The following PDE4B variants were observed in gnomAD, a reference collection of about 807,000 sequenced individuals.
The protein encoded by PDE4B is 3',5'-cyclic-AMP phosphodiesterase 4B.
Under a neutral mutation model 82.2 loss-of-function variants are expected in PDE4B, and 20 were observed. The observed-to-expected ratio is 0.24, with a 90% CI of 0.17 to 0.35. The LOEUF is 0.35. Ranked by LOEUF, PDE4B falls within the 10% of genes least tolerant of loss-of-function variation. PDE4B has a pLI of 1.00. For synonymous variants in PDE4B, 320 were observed against 318.9 expected, an observed-to-expected ratio of 1.00 and a Z score of -0.04; for missense variants, 655 against 907.2, an observed-to-expected ratio of 0.72 and a Z score of 3.57.
chr1:65,841,836 T>C (rs558281707), intron 1 of PDE4B, among the ~76,000 whole-genome samples: 5 of 152,236 alleles, frequency 3.3e-5, no homozygotes, highest in African/African-American at 1.2e-4. Context: ...ATAAGAGAAA[T>C]TCCATTTTGG....
intron 3 of PDE4B, among the ~76,000 whole-genome samples, chr1:66,180,362 G>A (rs144772016): frequency 1.2e-3 from 188 of 152,320 alleles, no homozygotes; most frequent in African/African-American, 4.0e-3. Flanking sequence ...ATCAAGCTAC[G>A]TATCATATAG....
At chr1:66,334,862 T>A (rs1208558407) in intron 8 of PDE4B, among the ~76,000 whole-genome samples, 1 of 152,120 alleles carries the variant, frequency 6.6e-6, no homozygotes, top group East Asian at 1.9e-4. Flanking sequence ...ATCCCAGCAC[T>A]TTGGGAGGTC....
At chr1:65,893,993 G>A (rs1414082981) in intron 1 of PDE4B, among the ~76,000 whole-genome samples, 1 of 152,070 alleles carries the variant, frequency 6.6e-6, no homozygotes, top group Admixed American at 6.6e-5. Context: ...GGTACTTGCA[G>A]GGGAAGTTTG....
At chr1:66,038,696 C>T (rs770089559) in intron 3 of PDE4B, among the ~76,000 whole-genome samples, 23 of 152,018 alleles carry the variant, frequency 1.5e-4, no homozygotes, top group African/African-American at 2.4e-5. Context: ...TAAATAGGCT[C>T]TTGAACAGGG....
At chr1:66,329,602 C>T (rs1659968018) in intron 7 of PDE4B, among the ~76,000 whole-genome samples, 1 of 152,152 alleles carries the variant, frequency 6.6e-6, no homozygotes, top group Admixed American at 6.5e-5. Flanking sequence ...CCCTTCAATG[C>T]CAGGCCTTAG....
chr1:65,877,002 A>G (rs1294887088), intron 1 of PDE4B, among the ~76,000 whole-genome samples: 1 of 152,150 alleles, frequency 6.6e-6, no homozygotes, highest in Non-Finnish European at 1.5e-5. Context: ...GATTGAATGC[A>G]ATCACCACCA....
At chr1:66,198,567 C>A (rs1557626982) in intron 3 of PDE4B, among the ~76,000 whole-genome samples, 1 of 151,936 alleles carries the variant, frequency 6.6e-6, no homozygotes, top group Non-Finnish European at 1.5e-5. Flanking sequence ...CTTGGGGCCT[C>A]TTTCTGCTCC....
chr1:66,092,038 C>T (rs969233933), intron 3 of PDE4B, among the ~76,000 whole-genome samples: 5 of 151,844 alleles, frequency 3.3e-5, no homozygotes, highest in Admixed American at 6.6e-5. Flanking sequence ...TCATACAAGG[C>T]GGCTTGTGAT....
chr1:65,922,000 C>A (rs1647266961), intron 3 of PDE4B, among the ~76,000 whole-genome samples: 1 of 152,078 alleles, frequency 6.6e-6, no homozygotes, highest in South Asian at 2.1e-4. Flanking sequence ...TATATAAAAA[C>A]ATTAACATGA....
chr1:66,024,567 A>T (rs543621740), intron 3 of PDE4B, among the ~76,000 whole-genome samples: 122 of 152,252 alleles, frequency 8.0e-4, no homozygotes, highest in African/African-American at 2.8e-3. Context: ...GTCAATTCAT[A>T]CGTTTATTCA....
chr1:66,193,249 T>G (rs909341281), intron 3 of PDE4B, among the ~76,000 whole-genome samples: 1 of 152,152 alleles, frequency 6.6e-6, no homozygotes, highest in African/African-American at 2.4e-5. Context: ...TTGGTTTGAG[T>G]CTTTGAAAAT....
intron 3 of PDE4B, among the ~76,000 whole-genome samples, chr1:65,993,841 C>T (rs1569912216): frequency 6.6e-6 from 1 of 152,064 alleles, no homozygotes; most frequent in East Asian, 1.9e-4. Context: ...GTAAAACTTG[C>T]ACTGAGCCTG....
chr1:66,011,706 G>A (rs548346793), intron 3 of PDE4B, among the ~76,000 whole-genome samples: 7 of 152,106 alleles, frequency 4.6e-5, no homozygotes, highest in Admixed American at 4.6e-4. Flanking sequence ...CTACAGGTGG[G>A]ACAAAGTTAT....
intron 1 of PDE4B, among the ~76,000 whole-genome samples, chr1:65,822,427 A>G (rs1645963941): frequency 6.6e-6 from 1 of 151,918 alleles, no homozygotes; most frequent in African/African-American, 2.4e-5. Flanking sequence ...TTTTTCCCCA[A>G]AGTGGTTGTA....
chr1:66,128,032 C>T (rs1017421884), intron 3 of PDE4B, among the ~76,000 whole-genome samples: 2 of 151,944 alleles, frequency 1.3e-5, no homozygotes, highest in East Asian at 3.9e-4. Flanking sequence ...TATGTTTGAC[C>T]TCAACTGATG....
intron 7 of PDE4B, among the ~76,000 whole-genome samples, chr1:66,302,507 G>T (rs1448194033): frequency 6.6e-6 from 1 of 152,154 alleles, no homozygotes; most frequent in Non-Finnish European, 1.5e-5. Flanking sequence ...AGTGGCCTGG[G>T]TGGTGGCTGG....
At chr1:65,854,461 T>A (rs1485443315) in intron 1 of PDE4B, among the ~76,000 whole-genome samples, 1 of 151,832 alleles carries the variant, frequency 6.6e-6, no homozygotes, top group Non-Finnish European at 1.5e-5. Flanking sequence ...CCTTTTTTTT[T>A]TCTGAATGTG....
chr1:66,039,659 C>T (rs1468673401), intron 3 of PDE4B, among the ~76,000 whole-genome samples: 3 of 151,990 alleles, frequency 2.0e-5, no homozygotes, highest in African/African-American at 7.2e-5. Flanking sequence ...GGATTTAAAT[C>T]GTGTTGCCTT....
intron 3 of PDE4B, among the ~76,000 whole-genome samples, chr1:66,074,237 T>C (rs1656305211): frequency 6.6e-6 from 1 of 152,146 alleles, no homozygotes; most frequent in Non-Finnish European, 1.5e-5. Context: ...TCCAAATGTT[T>C]TCTTGGTCAG....
Sources: gnomAD v4.1 joint callset for allele counts (sites outside exome capture counted in the v4.1 genomes callset) on GRCh38, gnomAD v4.1.1 for gene constraint, MANE v1.5 for transcripts, NCBI Gene and HGNC (gene_info 2026-07-23, HGNC 2026-07-21) for gene names.